KCNQ5: variants seen among roughly 807,000 people sequenced by gnomAD.
KCNQ5 encodes potassium voltage-gated channel subfamily KQT member 5.
A neutral mutation model predicts 98.2 loss-of-function variants in KCNQ5; 30 were observed. That is an observed-to-expected ratio of 0.31 (90% CI 0.23 to 0.41). KCNQ5 has a LOEUF of 0.41. Among genes scored for constraint, KCNQ5 ranks in the 10% least tolerant of loss-of-function variants. The pLI is 1.00. For missense variants in KCNQ5, 835 were observed against 1,182.5 expected (o/e 0.71, Z 4.31); for synonymous variants, 458 against 449.4 (o/e 1.02, Z -0.24).
At chr6:72,864,625 G>T (rs150094112) in intron 1 of KCNQ5, among the ~76,000 whole-genome samples, 1 of 152,040 alleles carries the variant, frequency 6.6e-6, no homozygotes, top group Non-Finnish European at 1.5e-5. Context: ...AGAATTATTT[G>T]GAGATGCTAG....
chr6:72,694,413 C>T (rs990750150), intron 1 of KCNQ5, among the ~76,000 whole-genome samples: 9 of 152,234 alleles, frequency 5.9e-5, no homozygotes, highest in Admixed American at 5.9e-4. Flanking sequence ...TTGTGCCTGT[C>T]CTTTCTTCTC....
intron 1 of KCNQ5, among the ~76,000 whole-genome samples, chr6:72,774,183 T>A (rs1381509927): frequency 1.3e-5 from 2 of 152,124 alleles, no homozygotes; most frequent in Non-Finnish European, 2.9e-5. Context: ...TTGGCAAACT[T>A]TTCTTGAAGT....
At chr6:72,667,820 A>G (rs1766901918) in intron 1 of KCNQ5, among the ~76,000 whole-genome samples, 1 of 152,232 alleles carries the variant, frequency 6.6e-6, no homozygotes, top group Non-Finnish European at 1.5e-5. Flanking sequence ...TCTTAATCTA[A>G]TGAGAAAATA....
At chr6:72,681,258 A>G (rs1767692400) in intron 1 of KCNQ5, among the ~76,000 whole-genome samples, 1 of 152,216 alleles carries the variant, frequency 6.6e-6, no homozygotes. Context: ...TGATGATGCT[A>G]GTTTGTAACT....
At chr6:72,760,815 C>T (rs1772231210) in intron 1 of KCNQ5, among the ~76,000 whole-genome samples, 1 of 152,076 alleles carries the variant, frequency 6.6e-6, no homozygotes, top group Non-Finnish European at 1.5e-5. Flanking sequence ...AGAGAAAGTA[C>T]AGTAGTGTCT....
At chr6:73,083,790 T>C (rs1476764225) in intron 5 of KCNQ5, among the ~76,000 whole-genome samples, 1 of 152,196 alleles carries the variant, frequency 6.6e-6, no homozygotes, top group Non-Finnish European at 1.5e-5. Context: ...CAACAGAGAA[T>C]AACAAGGCTG....
intron 1 of KCNQ5, among the ~76,000 whole-genome samples, chr6:72,663,913 C>T (rs1474332863): frequency 6.6e-6 from 1 of 152,168 alleles, no homozygotes; most frequent in Non-Finnish European, 1.5e-5. Context: ...CTTTGGCTAC[C>T]TATTTTCAGA....
intron 1 of KCNQ5, among the ~76,000 whole-genome samples, chr6:72,730,018 A>G (rs573017803): frequency 6.6e-6 from 1 of 152,270 alleles, no homozygotes; most frequent in East Asian, 1.9e-4. Flanking sequence ...TTAGCCATGC[A>G]TGGTGATGTG....
rs1770959034 is a variant in KCNQ5 at position 73,027,815 on chromosome 6, A to T, written c.490-14121A>T. On this transcript the variant is annotated intron_variant, in intron 2 of 13. Coordinates refer to ENST00000370398, the MANE Select transcript of KCNQ5 (RefSeq NM_019842.4). Reference sequence around the variant, plus strand: ...AATGGAGTCTGAATAGAAGTGATGAATTGTATTAGTGTTCTGGAAGAAGAT... The same window carrying T: ...AATGGAGTCTGAATAGAAGTGATGATTTGTATTAGTGTTCTGGAAGAAGAT... Among the ~76,000 whole-genome samples, 3 of 152,200 alleles carry T rather than the reference A, an allele frequency of 2.0e-5. No individual in the cohort carries two copies. In the South Asian group the frequency reaches 6.2e-4, roughly 32 times the overall value.
intron 2 of KCNQ5, among the ~76,000 whole-genome samples, chr6:73,040,571 G>A (rs1323748999): frequency 2.0e-5 from 3 of 152,180 alleles, no homozygotes; most frequent in Non-Finnish European, 2.9e-5. Flanking sequence ...ATTAATGAAT[G>A]TATGTTGACC....
intron 10 of KCNQ5, among the ~76,000 whole-genome samples, chr6:73,159,114 C>T (rs1777508801): frequency 6.6e-6 from 1 of 150,432 alleles, no homozygotes; most frequent in African/African-American, 2.4e-5. Flanking sequence ...CCATCAGTGA[C>T]AGATTTGATA....
At chr6:72,748,334 G>A (rs7762349) in intron 1 of KCNQ5, among the ~76,000 whole-genome samples, 3,202 of 152,152 alleles carry the variant, frequency 0.021, 113 homozygotes, top group African/African-American at 0.069. Flanking sequence ...ACAGAACTGT[G>A]CCCTGGGTTC....
intron 1 of KCNQ5, among the ~76,000 whole-genome samples, chr6:72,913,315 A>T (rs1415182671): frequency 6.6e-6 from 1 of 152,050 alleles, no homozygotes; most frequent in East Asian, 1.9e-4. Flanking sequence ...TTCAGACCTA[A>T]AATACATCTT....
chr6:72,709,084 T>G (rs1239652801), intron 1 of KCNQ5, among the ~76,000 whole-genome samples: 3 of 152,314 alleles, frequency 2.0e-5, no homozygotes, highest in African/African-American at 7.2e-5. Context: ...CCTCAACTGA[T>G]CCACCCACCT....
At chr6:72,675,207 G>A (rs1405599070) in intron 1 of KCNQ5, among the ~76,000 whole-genome samples, 2 of 152,116 alleles carry the variant, frequency 1.3e-5, no homozygotes, top group African/African-American at 2.4e-5. Context: ...GGACCACTCA[G>A]TTTTCAAAAC....
At chr6:72,961,479 G>A (rs915923136) in intron 1 of KCNQ5, among the ~76,000 whole-genome samples, 3 of 152,034 alleles carry the variant, frequency 2.0e-5, no homozygotes, top group Non-Finnish European at 2.9e-5. Context: ...AAAATTAGCC[G>A]GGCGTGGTGG....
intron 1 of KCNQ5, among the ~76,000 whole-genome samples, chr6:72,644,116 T>A (rs1765467717): frequency 6.6e-6 from 1 of 152,222 alleles, no homozygotes; most frequent in South Asian, 2.1e-4. Context: ...GTTCTCATTC[T>A]GTTCCATAAG....
At chr6:72,782,955 A>G (rs1773562196) in intron 1 of KCNQ5, among the ~76,000 whole-genome samples, 1 of 152,196 alleles carries the variant, frequency 6.6e-6, no homozygotes. Flanking sequence ...TCAGAGAAAG[A>G]AGGAGTAGTG....
intron 1 of KCNQ5, among the ~76,000 whole-genome samples, chr6:72,755,266 T>C (rs964799952): frequency 6.6e-6 from 1 of 152,066 alleles, no homozygotes; most frequent in African/African-American, 2.4e-5. Flanking sequence ...AGTGCATTTA[T>C]TTATAGAGTT....
Sources: gnomAD v4.1 joint callset for allele counts (sites outside exome capture counted in the v4.1 genomes callset) on GRCh38, gnomAD v4.1.1 for gene constraint, MANE v1.5 for transcripts, NCBI Gene and HGNC (gene_info 2026-07-23, HGNC 2026-07-21) for gene names.